MYCBP2: variants seen among roughly 807,000 people sequenced by gnomAD.
MYCBP2 encodes MYC binding protein 2, also known as E3 ubiquitin-protein ligase MYCBP2.
A neutral mutation model predicts 525.3 loss-of-function variants in MYCBP2; 120 were observed. That is an observed-to-expected ratio of 0.23 (90% CI 0.20 to 0.27). The LOEUF (loss-of-function observed/expected upper bound fraction) is 0.27. Among genes scored for constraint, MYCBP2 ranks in the 10% least tolerant of loss-of-function variants. The pLI, the probability that MYCBP2 is intolerant of heterozygous loss-of-function variation, is 1.00. For synonymous variants in MYCBP2, 1,894 were observed against 1,955.8 expected (o/e 0.97, Z 0.83); for missense variants, 4,149 against 5,657.1 (o/e 0.73, Z 8.55).
chr13:77,097,222 C>T (rs1937774324), intron 56 of MYCBP2, 148 bp downstream of exon 56: 2 of 1,119,608 alleles, frequency 1.8e-6, no homozygotes, highest in African/African-American at 1.6e-5. Flanking sequence ...TTCACAAAAC[C>T]CTGTACTGAT....
intron 7 of MYCBP2, 60 bp downstream of exon 7, chr13:77,269,932 G>A: frequency 7.9e-7 from 1 of 1,259,986 alleles, no homozygotes; most frequent in South Asian, 1.3e-5. Context: ...GATTAAACAA[G>A]GACAAATCAC....
At position 77,296,512 on chromosome 13, in the gene MYCBP2, G is replaced by A. The variant is rs2078206772; in HGVS notation, c.378+87C>T. On this transcript the variant is annotated intron_variant, in intron 2 of 82. Coordinates refer to ENST00000544440, the MANE Select transcript of MYCBP2 (RefSeq NM_015057.5). ...TACTTCAGCACATACTAATAAAATG[G>A]TTTAATTATATTTTTTAATCTTGGC... is the stretch of plus-strand genomic sequence containing the variant. 3.6e-6 allele frequency: 5 copies of A among 1,392,156 alleles called. No individual in the cohort carries two copies. The South Asian group carries it at 7.5e-5, about 21-fold the overall frequency. The allele number at this position is 1,392,156 out of a possible 1,614,324, so 86.2% of individuals were successfully genotyped here. A position where few individuals can be genotyped will look rare whatever the true frequency, so the allele number is the denominator to read the frequency against.
chr13:77,286,755 CAAAAAAAAAAAAAA>C lies in MYCBP2; in HGVS notation c.594+1392_594+1405del, dbSNP rs869038227. 3.9e-3 allele frequency among the ~76,000 whole-genome samples: 44 copies of C among 11,278 alleles called. 3 individuals carry two copies. The highest frequency in any genetic ancestry group is 0.031 in the East Asian group (9 of 294). The allele number at this position is 11,278 out of a possible 152,430, so 7.4% of individuals were successfully genotyped here. A position where few individuals can be genotyped will look rare whatever the true frequency, so the allele number is the denominator to read the frequency against. ...TGGGCAACAGAGCTAGACTCCGTCT[CAAAAAAAAAAAAAA>C]AAAAAAAAAAAAAAAAAAAAATATA... On this transcript the variant is annotated intron_variant, in intron 3 of 82. Transcript: ENST00000544440.
intron 1 of MYCBP2, among the ~76,000 whole-genome samples, chr13:77,310,875 A>G (rs1231464216): frequency 6.6e-6 from 1 of 152,198 alleles, no homozygotes; most frequent in East Asian, 1.9e-4. Flanking sequence ...AAGCCAGATA[A>G]GAGAGTTCTG....
At chr13:77,152,536 C>G (rs1203296166) in intron 46 of MYCBP2, among the ~76,000 whole-genome samples, 1 of 152,124 alleles carries the variant, frequency 6.6e-6, no homozygotes, top group Non-Finnish European at 1.5e-5. Flanking sequence ...TTTTGGCCAG[C>G]CCTGCCCCCC....
At chr13:77,106,795 A>T (rs537094011) in intron 55 of MYCBP2, among the ~76,000 whole-genome samples, 1 of 152,116 alleles carries the variant, frequency 6.6e-6, no homozygotes, top group South Asian at 2.1e-4. Flanking sequence ...TAGGTTTGTT[A>T]CATGGGTAAA....
chr13:77,268,002 T>C (rs1377664719), intron 7 of MYCBP2, 65 bp from the exon 8 acceptor site: 4 of 956,394 alleles, frequency 4.2e-6, no homozygotes, highest in East Asian at 2.5e-5. Context: ...ACAGCAGCCA[T>C]ACAGCTCCAT....
chr13:77,173,801 A>C (rs1177513271), intron 37 of MYCBP2, among the ~76,000 whole-genome samples: 1 of 152,244 alleles, frequency 6.6e-6, no homozygotes, highest in Admixed American at 6.5e-5. Flanking sequence ...TTTATTTTCC[A>C]AGGTTTACAT....
chr13:77,269,003 G>C (rs559344805), intron 7 of MYCBP2, among the ~76,000 whole-genome samples: 2 of 152,242 alleles, frequency 1.3e-5, no homozygotes, highest in South Asian at 4.1e-4. Flanking sequence ...TGTTCAGGTA[G>C]GTACTGTATG....
Position 77,233,190 on chromosome 13 carries a change from T to A in MYCBP2, c.2703A>T (p.Pro901=). The A allele has an allele frequency of 6.2e-7, 1 of 1,613,896 alleles. No individual in the cohort carries two copies. The highest frequency in any genetic ancestry group is 8.5e-7 in the Non-Finnish European group (1 of 1,179,842). ...TGTCCCGTTTATGCTTTAGCTGTGC[T>A]GGATGGGATCTGAGTCTGGCTAGAG... The part of the protein sequence containing the change: ...EQALARLRSH[P]AQLKHKRDKH... Residue 901 remains proline, a synonymous_variant, in exon 18 of 83, where the codon CCA becomes CCT. Coordinates refer to ENST00000544440, the MANE Select transcript of MYCBP2 (RefSeq NM_015057.5).
chr13:77,310,703 T>C (rs1260022581), intron 1 of MYCBP2, among the ~76,000 whole-genome samples: 5 of 151,964 alleles, frequency 3.3e-5, no homozygotes, highest in African/African-American at 1.2e-4. Context: ...AAATAAAAAT[T>C]GACATCACAC....
chr13:77,237,331 G>C (rs7338027), intron 17 of MYCBP2, among the ~76,000 whole-genome samples: 1,828 of 152,088 alleles, frequency 0.012, 37 homozygotes, highest in African/African-American at 0.041. Flanking sequence ...ATAAACATAT[G>C]TCTACACTTT....
intron 26 of MYCBP2, among the ~76,000 whole-genome samples, chr13:77,199,846 G>A (rs1449521439): frequency 6.6e-6 from 1 of 152,150 alleles, no homozygotes; most frequent in Non-Finnish European, 1.5e-5. Flanking sequence ...CTGTTAAAAG[G>A]AAAACTAACA....
At chr13:77,174,216 AATTAT>A (rs879019013) in intron 37 of MYCBP2, 90 bp downstream of exon 37, 1 of 1,097,408 alleles carries the variant, frequency 9.1e-7, no homozygotes, top group Non-Finnish European at 1.3e-6. Context: ...TGTACAATTT[AATTAT>A]AAGTATCCAG....
At chr13:77,231,660 T>A (rs1452590670) in intron 18 of MYCBP2, among the ~76,000 whole-genome samples, 1 of 152,220 alleles carries the variant, frequency 6.6e-6, no homozygotes, top group Non-Finnish European at 1.5e-5. Flanking sequence ...AGGGTAAAGA[T>A]ACTTGTCCAT....
At chr13:77,109,576 T>C (rs771541553) in intron 55 of MYCBP2, 2 of 152,192 alleles carry the variant, frequency 1.3e-5, no homozygotes, top group Non-Finnish European at 2.9e-5. Context: ...ATCAGGGATG[T>C]GGTTGAGGGA....
Position 77,151,751 on chromosome 13 carries a change from A to T in MYCBP2, c.6916-802T>A, listed in dbSNP as rs556336065. ...AACAAAACGGGACTATCTTTGATCT[A>T]CTAACTCTACTATTTCATCTACTAA... On this transcript the variant is annotated intron_variant, in intron 46 of 82. Coordinates refer to ENST00000544440, the MANE Select transcript of MYCBP2 (RefSeq NM_015057.5). Among the ~76,000 whole-genome samples, 3 of 152,362 alleles carry T rather than the reference A, an allele frequency of 2.0e-5. No homozygotes were observed. The East Asian group carries it at 5.8e-4, about 29-fold the overall frequency.
intron 46 of MYCBP2, among the ~76,000 whole-genome samples, chr13:77,155,736 T>C (rs1324259846): frequency 3.3e-5 from 5 of 152,192 alleles, no homozygotes; most frequent in East Asian, 1.9e-4. Context: ...ATGTATTCTT[T>C]CATGCATTTA....
intron 1 of MYCBP2, among the ~76,000 whole-genome samples, chr13:77,316,005 A>G (rs1450114543): frequency 1.3e-5 from 2 of 152,080 alleles, no homozygotes; most frequent in Non-Finnish European, 2.9e-5. Flanking sequence ...CCTACAGCTA[A>G]TATCATACTT....
Sources: gnomAD v4.1 joint callset for allele counts (sites outside exome capture counted in the v4.1 genomes callset) on GRCh38, gnomAD v4.1.1 for gene constraint, MANE v1.5 for transcripts, NCBI Gene and HGNC (gene_info 2026-07-23, HGNC 2026-07-21) for gene names.